Variants in RBMS3 observed in about 807,000 individuals in gnomAD.
RBMS3 encodes the protein RNA binding motif single stranded interacting protein 3.
In RBMS3, 27 loss-of-function variants were observed where a neutral mutation model predicts 66.8. The observed-to-expected ratio is 0.40, with a 90% CI of 0.30 to 0.56. The LOEUF is 0.56. Ranked by LOEUF, RBMS3 falls within the 20% of genes least tolerant of loss-of-function variation. The pLI, the probability that RBMS3 is intolerant of heterozygous loss-of-function variation, is 0.40. For synonymous variants in RBMS3, 188 were observed against 183.0 expected, an observed-to-expected ratio of 1.03 and a Z score of -0.22; for missense variants, 513 against 549.5, an observed-to-expected ratio of 0.93 and a Z score of 0.66.
chr3:29,431,969 C>T (rs1352207913), intron 1 of RBMS3, among the ~76,000 whole-genome samples: 5 of 152,068 alleles, frequency 3.3e-5, no homozygotes, highest in African/African-American at 1.2e-4. Context: ...CTCAAGCAGT[C>T]CACCCATCTC....
chr3:29,679,375 A>G (rs1385201268), intron 4 of RBMS3, among the ~76,000 whole-genome samples: 1 of 152,148 alleles, frequency 6.6e-6, no homozygotes, highest in Non-Finnish European at 1.5e-5. Flanking sequence ...AATAGCATTT[A>G]TTAGAGTCAC....
At chr3:29,406,816 T>C (rs2371610) in intron 1 of RBMS3, among the ~76,000 whole-genome samples, 101,265 of 151,824 alleles carry the variant, frequency 0.67, 34,518 homozygotes, top group African/African-American at 0.82. Context: ...AATCCCAAAA[T>C]ATTATTTTAC....
chr3:29,561,920 C>A (rs894692804), intron 3 of RBMS3, among the ~76,000 whole-genome samples: 2 of 151,854 alleles, frequency 1.3e-5, no homozygotes, highest in African/African-American at 4.8e-5. Context: ...TTAATGGAGT[C>A]ATTTGTGGTT....
At chr3:29,898,880 T>G (rs967482726) in intron 9 of RBMS3, among the ~76,000 whole-genome samples, 1 of 151,628 alleles carries the variant, frequency 6.6e-6, no homozygotes, top group African/African-American at 2.4e-5. Context: ...GTGATTTTAC[T>G]TGGGAGGGCT....
At chr3:29,944,160 TC>T (rs1695143850) in intron 11 of RBMS3, 46 bp from the exon 12 acceptor site, 1 of 1,511,824 alleles carries the variant, frequency 6.6e-7, no homozygotes, top group Admixed American at 1.7e-5. Flanking sequence ...TATTTTATTT[TC>T]TTTTGTACTT....
intron 6 of RBMS3, among the ~76,000 whole-genome samples, chr3:29,788,132 A>G (rs1400986940): frequency 6.6e-6 from 1 of 151,562 alleles, no homozygotes; most frequent in Non-Finnish European, 1.5e-5. Context: ...TTTCACTCCA[A>G]CAGTGGCAAG....
chr3:29,818,807 A>G (rs936431750), intron 6 of RBMS3, among the ~76,000 whole-genome samples: 1 of 152,058 alleles, frequency 6.6e-6, no homozygotes, highest in Non-Finnish European at 1.5e-5. Flanking sequence ...TATTTGGCCT[A>G]ATGTTGAATA....
intron 6 of RBMS3, among the ~76,000 whole-genome samples, chr3:29,813,290 T>C (rs1420400912): frequency 1.3e-5 from 2 of 152,100 alleles, no homozygotes. Context: ...TCCTGGAACA[T>C]TTTATTCATA....
At chr3:29,588,522 G>A (rs186126467) in intron 4 of RBMS3, among the ~76,000 whole-genome samples, 18 of 152,140 alleles carry the variant, frequency 1.2e-4, no homozygotes, top group Middle Eastern at 3.4e-3. Flanking sequence ...GTCTTCTAGT[G>A]AACTGATACA....
chr3:29,307,349 CTATTT>C (rs1299266377), intron 1 of RBMS3, among the ~76,000 whole-genome samples: 1 of 151,880 alleles, frequency 6.6e-6, no homozygotes, highest in Non-Finnish European at 1.5e-5. Flanking sequence ...TATGTTAGTC[CTATTT>C]TAAGTAGCTC....
intron 3 of RBMS3, among the ~76,000 whole-genome samples, chr3:29,528,901 T>TTTTTTTTC (rs1413985856): frequency 1.3e-5 from 2 of 151,794 alleles, no homozygotes; most frequent in East Asian, 1.9e-4. Context: ...ACCCAGCTAA[T>TTTTTTTTC]TTTTTTTCTT....
At chr3:29,452,816 T>G (rs1371240214) in intron 2 of RBMS3, among the ~76,000 whole-genome samples, 1 of 152,136 alleles carries the variant, frequency 6.6e-6, no homozygotes, top group Non-Finnish European at 1.5e-5. Flanking sequence ...ACCAGGAATT[T>G]TATAATAAAC....
At chr3:29,820,468 TTCAA>T (rs1275727028) in intron 6 of RBMS3, among the ~76,000 whole-genome samples, 1 of 152,008 alleles carries the variant, frequency 6.6e-6, no homozygotes, top group Non-Finnish European at 1.5e-5. Context: ...TTTCTGGTAC[TTCAA>T]TCAAATGCCA....
At chr3:29,999,911 T>C (rs545851241) in intron 14 of RBMS3, among the ~76,000 whole-genome samples, 3 of 151,438 alleles carry the variant, frequency 2.0e-5, no homozygotes, top group South Asian at 4.2e-4. Flanking sequence ...AGTATAATAA[T>C]AATAAAATAA....
chr3:29,998,689 G>C (rs572361015), intron 14 of RBMS3, among the ~76,000 whole-genome samples: 23 of 152,206 alleles, frequency 1.5e-4, no homozygotes, highest in African/African-American at 5.3e-4. Flanking sequence ...TGAATAAATG[G>C]TGCTGGGAAA....
intron 3 of RBMS3, among the ~76,000 whole-genome samples, chr3:29,530,967 A>G (rs531677002): frequency 6.6e-6 from 1 of 152,276 alleles, no homozygotes; most frequent in African/African-American, 2.4e-5. Context: ...AAATGGTGGG[A>G]TCAGAATACC....
At chr3:29,987,344 C>T (rs1445337710) in intron 12 of RBMS3, among the ~76,000 whole-genome samples, 1 of 152,104 alleles carries the variant, frequency 6.6e-6, no homozygotes, top group Admixed American at 6.6e-5. Context: ...ATGGGTCATA[C>T]TTTATGCTTA....
In RBMS3 at chr3:29,897,272, A is replaced by C. The variant is rs529305322; in HGVS notation, c.792-107A>C. On this transcript the variant is annotated intron_variant, in intron 8 of 14. Coordinates refer to ENST00000383767, the MANE Select transcript of RBMS3 (RefSeq NM_001003793.3). ...CGTTCTTGTTAATGGTTGGTGGAAA[A>C]ACGTGCGGGTGGAAATATGTCTTTC... The C allele has an allele frequency of 8.3e-6, 8 of 960,578 alleles. No homozygotes were observed. In the East Asian group the frequency reaches 1.9e-4, roughly 23 times the overall value. The allele number at this position is 960,578 out of a possible 1,614,324, so 59.5% of individuals were successfully genotyped here.
chr3:29,757,735 T>A (rs952402241), intron 5 of RBMS3, among the ~76,000 whole-genome samples: 2 of 152,218 alleles, frequency 1.3e-5, no homozygotes, highest in African/African-American at 4.8e-5. Flanking sequence ...AATATAGATT[T>A]TCTATATATT....
Sources: allele counts gnomAD v4.1 joint callset (sites outside exome capture counted in the v4.1 genomes callset), GRCh38; gene constraint gnomAD v4.1.1; transcripts MANE v1.5; gene names NCBI Gene and HGNC (gene_info 2026-07-23, HGNC 2026-07-21).